Variants in ZNF346 observed in about 807,000 individuals in gnomAD.
ZNF346 encodes the protein double-stranded RNA-binding zinc finger protein JAZ.
A neutral mutation model predicts 33.7 loss-of-function variants in ZNF346; 23 were observed. The observed-to-expected ratio is 0.68, with a 90% CI of 0.49 to 0.97. The LOEUF (loss-of-function observed/expected upper bound fraction) is 0.97, where lower values mean the gene tolerates loss of function less well. ZNF346 is among the 50% of genes least tolerant of loss of function. The probability of loss-of-function intolerance (pLI) is 0.00; values close to 1 mark genes in which losing one functional copy is unlikely to be tolerated. For synonymous variants in ZNF346, 134 were observed against 142.4 expected (o/e 0.94, Z 0.42); for missense variants, 340 against 371.1 (o/e 0.92, Z 0.69).
At chr5:177,038,237 C>T (rs1445436283) in intron 1 of ZNF346, among the ~76,000 whole-genome samples, 1 of 150,900 alleles carries the variant, frequency 6.6e-6, no homozygotes, top group Non-Finnish European at 1.5e-5. Flanking sequence ...TACAGGCATG[C>T]GCCACCATGC....
chr5:177,059,903 A>T lies in ZNF346; in HGVS notation c.704-2155A>T, dbSNP rs1424656974. ...TTGAGCAAACAGTTACAACTGTGAC[A>T]AACTTCAGAAAAAAAGACAAATGCA... On this transcript the variant is annotated intron_variant, in intron 5 of 6. Transcript: ENST00000358149. 3.9e-5 allele frequency among the ~76,000 whole-genome samples: 6 copies of T among 152,358 alleles called. No homozygotes were observed. In the East Asian group the frequency reaches 9.6e-4, roughly 24 times the overall value.
At chr5:177,050,052 G>T (rs1450370762) in intron 4 of ZNF346, among the ~76,000 whole-genome samples, 7 of 152,296 alleles carry the variant, frequency 4.6e-5, no homozygotes, top group Admixed American at 4.6e-4. Context: ...GGCCAGGATG[G>T]CCTCAATCTC....
At chr5:177,033,013 C>T (rs186015294) in intron 1 of ZNF346, among the ~76,000 whole-genome samples, 3 of 152,362 alleles carry the variant, frequency 2.0e-5, no homozygotes, top group Admixed American at 1.3e-4. Flanking sequence ...TAAAATACTA[C>T]ATTGTCTAAC....
At position 177,035,062 on chromosome 5, in the gene ZNF346, G is replaced by A. The variant is rs143097812; in HGVS notation, c.176-6064G>A. Among the ~76,000 whole-genome samples the A allele has an allele frequency of 2.8e-3, 421 of 151,734 alleles. 3 individuals carry two copies. The highest frequency in any genetic ancestry group is 9.6e-3 in the African/African-American group (398 of 41,350). Reference sequence around the variant, plus strand: ...GATGGAGTCTTACTCTGTCGCCCAGGCTCAAGTGTAGTGGCACGATCTTGG... The same window carrying A: ...GATGGAGTCTTACTCTGTCGCCCAGACTCAAGTGTAGTGGCACGATCTTGG... On this transcript the variant is annotated intron_variant, in intron 1 of 6. Transcript: ENST00000358149.
chr5:177,022,697 G>A lies in ZNF346; in HGVS notation c.-42G>A, dbSNP rs1460385485. The A allele has an allele frequency of 6.7e-7, 1 of 1,486,438 alleles. No individual in the cohort carries two copies. The highest frequency in any genetic ancestry group is 1.5e-5 in the African/African-American group (1 of 68,768). 92.1% of individuals were successfully genotyped at this position (1,486,438 alleles called of 1,614,324 possible). On this transcript the variant is annotated 5_prime_UTR_variant, in exon 1 of 7. Transcript: ENST00000358149. The stretch of plus-strand genomic sequence containing the variant: ...CACCCACCAAATCTCGCGATACCTA[G>A]GCGCCTGAGAGGCTCTCTACCGGTG...
chr5:177,062,219 G>GC, intron 6 of ZNF346, 68 bp downstream of exon 6: 1 of 1,329,236 alleles, frequency 7.5e-7, no homozygotes, highest in African/African-American at 1.4e-5. Flanking sequence ...TCAGAACAAA[G>GC]CCAGGTAGTT....
chr5:177,063,652 C>T (rs930135506), intron 6 of ZNF346, among the ~76,000 whole-genome samples: 1 of 152,224 alleles, frequency 6.6e-6, no homozygotes, highest in Non-Finnish European at 1.5e-5. Context: ...GCTAAACTTT[C>T]CAGCAGTGTG....
chr5:177,077,318 G>A lies in ZNF346; in HGVS notation c.*3-2064G>A, dbSNP rs1013376057. 6.6e-6 allele frequency among the ~76,000 whole-genome samples: 1 copy of A among 152,152 alleles called. No individual in the cohort carries two copies. The highest frequency in any genetic ancestry group is 1.5e-5 in the Non-Finnish European group (1 of 68,020). Reference sequence around the variant, plus strand: ...GAGGAGAGTGGAGACACAAAGGAAGGGTGTTCTACTGAGAAGGAGCCTTTT... The same window carrying A: ...GAGGAGAGTGGAGACACAAAGGAAGAGTGTTCTACTGAGAAGGAGCCTTTT... On this transcript the variant is annotated intron_variant, in intron 8 of 8. Coordinates refer to the ZNF346 transcript ENST00000503039. This position sits in a 1 kb window ranked among gnomAD's most constrained non-coding sequence, Gnocchi z 5.0.
intron 1 of ZNF346, among the ~76,000 whole-genome samples, chr5:177,037,986 A>G (rs1466921762): frequency 6.6e-6 from 1 of 152,104 alleles, no homozygotes; most frequent in Non-Finnish European, 1.5e-5. Context: ...AACATGGAAT[A>G]TGCCAAACTC....
At chr5:177,042,128 G>A (rs1779417609) in intron 3 of ZNF346, 4 of 353,912 alleles carry the variant, frequency 1.1e-5, no homozygotes, top group African/African-American at 2.1e-5. Flanking sequence ...CTGGCACATA[G>A]TAGGGACTCA....
chr5:177,071,219 G>A (rs989499406), downstream of ZNF346, among the ~76,000 whole-genome samples: 3 of 152,118 alleles, frequency 2.0e-5, no homozygotes, highest in African/African-American at 7.2e-5. Context: ...TGAAGAAGTA[G>A]CAATGAACAG....
At chr5:177,039,932 G>A (rs186089058) in intron 1 of ZNF346, among the ~76,000 whole-genome samples, 2,459 of 152,068 alleles carry the variant, frequency 0.016, 29 homozygotes, top group Non-Finnish European at 0.025. Flanking sequence ...TGTAATCCCA[G>A]CACTTTGGAA....
chr5:177,046,100 GACCAGCCTGGTCAA>G (rs1779996163), intron 4 of ZNF346, among the ~76,000 whole-genome samples: 1 of 151,686 alleles, frequency 6.6e-6, no homozygotes, highest in Non-Finnish European at 1.5e-5. Flanking sequence ...AGGAGTTCAA[GACCAGCCTGGTCAA>G]CACGGTGAAA....
intron 5 of ZNF346, among the ~76,000 whole-genome samples, chr5:177,060,705 G>A (rs1191275165): frequency 6.6e-6 from 1 of 152,168 alleles, no homozygotes; most frequent in Non-Finnish European, 1.5e-5. Context: ...CTACTTGGGA[G>A]GCTGAGGCAG....
chr5:177,034,223 T>G (rs1778147664), intron 1 of ZNF346, among the ~76,000 whole-genome samples: 1 of 150,946 alleles, frequency 6.6e-6, no homozygotes. Context: ...TTTTTAATTT[T>G]GAGACAAGGT....
exon 9 of ZNF346, chr5:177,080,782 T>A (rs1783946628): frequency 6.6e-6 from 1 of 152,216 alleles, no homozygotes; most frequent in South Asian, 2.1e-4. Flanking sequence ...CATTCCAGCC[T>A]GAGCGACAGA....
rs10682528 is a variant in ZNF346 at position 177,028,040 on chromosome 5, C to CTTTTTTTTTTTTTTT, written c.175+5145_175+5159dup. Among the ~76,000 whole-genome samples the CTTTTTTTTTTTTTTT allele has an allele frequency of 3.0e-4, 10 of 33,504 alleles. 3 individuals carry two copies. Among genetic ancestry groups the CTTTTTTTTTTTTTTT allele is most frequent in the African/African-American group, 1.1e-3 (8 of 7,194 alleles). 22.0% of individuals were successfully genotyped at this position (33,504 alleles called of 152,430 possible). A position where few individuals can be genotyped will look rare whatever the true frequency, so the allele number is the denominator to read the frequency against. On this transcript the variant is annotated intron_variant, in intron 1 of 6. Coordinates refer to ENST00000358149, the MANE Select transcript of ZNF346 (RefSeq NM_012279.4). ...GAATATTTTGTTTCTCCTTGTGTCACTTTTTTTTTTTTTTTTTTTTTTTTT... is the reference window on the plus strand; with the variant it reads ...GAATATTTTGTTTCTCCTTGTGTCACTTTTTTTTTTTTTTTTTTTTTTTTTTTTTTTTTTTTTTTT...
At chr5:177,041,303 A>C (rs113660449) in intron 2 of ZNF346, 74 bp downstream of exon 2, 14 of 1,285,464 alleles carry the variant, frequency 1.1e-5, no homozygotes, top group South Asian at 8.4e-5. Context: ...TCTGGCTTGC[A>C]TGGTGAAGTG....
chr5:177,050,809 A>G lies in ZNF346; in HGVS notation c.576A>G (p.Ala192=). 1 of 1,614,186 alleles carries G rather than the reference A, an allele frequency of 6.2e-7. No homozygotes were observed. Among genetic ancestry groups the G allele is most frequent in the Non-Finnish European group, 8.5e-7 (1 of 1,180,010 alleles). The stretch of plus-strand genomic sequence containing the variant: ...ACAAGTTCTGCAGCCTCTGCCATGC[A>G]ACTTTCAACGACCCTGTCATGGCTC... ...DPDKFCSLCH[A]TFNDPVMAQQ... is the part of the protein sequence containing the mutation. Residue 192 remains alanine, a synonymous_variant, in exon 5 of 7, where the codon GCA becomes GCG. Transcript: ENST00000358149.
Sources: gnomAD v4.1 joint callset for allele counts (sites outside exome capture counted in the v4.1 genomes callset) on GRCh38, gnomAD v4.1.1 for gene constraint, Gnocchi (gnomAD v3.1) non-coding constraint, MANE v1.5 for transcripts, NCBI Gene and HGNC (gene_info 2026-07-23, HGNC 2026-07-21) for gene names.